PTPN14: variants seen among roughly 807,000 people sequenced by gnomAD.
PTPN14 encodes the protein protein tyrosine phosphatase non-receptor type 14, also known as tyrosine-protein phosphatase non-receptor type 14.
A neutral mutation model predicts 126.8 loss-of-function variants in PTPN14; 53 were observed. That is an observed-to-expected ratio of 0.42 (90% CI 0.34 to 0.53). The LOEUF (loss-of-function observed/expected upper bound fraction) is 0.53, where lower values mean the gene tolerates loss of function less well. Ranked by LOEUF, PTPN14 falls within the 20% of genes least tolerant of loss-of-function variation. The probability of loss-of-function intolerance (pLI) is 0.08; values close to 1 mark genes in which losing one functional copy is unlikely to be tolerated. For synonymous variants in PTPN14, 630 were observed against 599.3 expected, an observed-to-expected ratio of 1.05 and a Z score of -0.75; for missense variants, 1,257 against 1,552.9, an observed-to-expected ratio of 0.81 and a Z score of 3.20.
At chr1:214,497,131 G>A (rs1284199505) in intron 1 of PTPN14, among the ~76,000 whole-genome samples, 1 of 151,808 alleles carries the variant, frequency 6.6e-6, no homozygotes, top group East Asian at 1.9e-4. Flanking sequence ...GGGGGGTCGG[G>A]GGGAAGAAAT....
In PTPN14 at chr1:214,411,748, T is replaced by C. The variant is rs775984118; in HGVS notation, c.446A>G (p.Asp149Gly). The change falls in exon 5 of 19, where the codon GAT becomes GGT. Residue 149 changes from aspartate to glycine, a missense_variant. Physicochemically the swap from Asp to Gly is moderately conservative, Grantham distance 94 (BLOSUM62 -1). This residue lies in a region of PTPN14 where 1,021 missense variants were observed against 1,183.3 expected (regional missense o/e 0.86). Coordinates refer to ENST00000366956, the MANE Select transcript of PTPN14 (RefSeq NM_005401.5). ...IRLAGLAVQA[D>G]FGDYNQFDSQ... is the part of the protein sequence containing the mutation. ...ATCAAACTGATTATAGTCTCCAAAA[T>C]CAGCTGAGAAGAAAAGAAGATGGAA... 4 of 1,504,846 alleles carry C rather than the reference T, an allele frequency of 2.7e-6. No individual in the cohort carries two copies. The highest frequency in any genetic ancestry group is 3.7e-6 in the Non-Finnish European group (4 of 1,093,340). 93.2% of individuals were successfully genotyped at this position (1,504,846 alleles called of 1,614,324 possible). A position where few individuals can be genotyped will look rare whatever the true frequency, so the allele number is the denominator to read the frequency against.
intron 3 of PTPN14, among the ~76,000 whole-genome samples, chr1:214,431,426 G>A (rs1025209638): frequency 1.3e-5 from 2 of 152,178 alleles, no homozygotes; most frequent in African/African-American, 4.8e-5. Flanking sequence ...CTTCACAAGA[G>A]CTTCTGTTCA....
chr1:214,417,570 G>A (rs1033588344), intron 3 of PTPN14, among the ~76,000 whole-genome samples: 1 of 152,152 alleles, frequency 6.6e-6, no homozygotes, highest in African/African-American at 2.4e-5. Context: ...CAAAATTATA[G>A]CCCATAACAA....
chr1:214,498,944 G>A (rs527968974), intron 1 of PTPN14, among the ~76,000 whole-genome samples: 2 of 152,150 alleles, frequency 1.3e-5, no homozygotes, highest in East Asian at 1.9e-4. Context: ...GAAAAGCTAC[G>A]ACTACAGGTA....
chr1:214,405,929 G>T (rs1172630076), intron 5 of PTPN14, among the ~76,000 whole-genome samples: 1 of 152,162 alleles, frequency 6.6e-6, no homozygotes, highest in Non-Finnish European at 1.5e-5. Flanking sequence ...AGCTGGGATA[G>T]GGTCACAGCA....
chr1:214,458,944 T>A (rs1250237745), intron 2 of PTPN14, among the ~76,000 whole-genome samples: 2 of 142,004 alleles, frequency 1.4e-5, no homozygotes, highest in Non-Finnish European at 3.0e-5. Context: ...ATTATTGGAA[T>A]TCTGATTTTC....
intron 1 of PTPN14, among the ~76,000 whole-genome samples, chr1:214,475,506 C>A (rs1020025081): frequency 2.4e-4 from 36 of 152,208 alleles, no homozygotes; most frequent in Non-Finnish European, 4.8e-4. Context: ...TCTAGTCACG[C>A]CAGGAATGCT....
intron 1 of PTPN14, among the ~76,000 whole-genome samples, chr1:214,525,138 G>A (rs535266092): frequency 1.3e-5 from 2 of 152,268 alleles, no homozygotes; most frequent in Non-Finnish European, 2.9e-5. Flanking sequence ...AAATCTCTGC[G>A]AAGATTCAGA....
At chr1:214,362,002 A>T (rs1237829023) in intron 18 of PTPN14, among the ~76,000 whole-genome samples, 1 of 152,276 alleles carries the variant, frequency 6.6e-6, no homozygotes, top group African/African-American at 2.4e-5. Context: ...TGCATGAATT[A>T]CAGACTAAAA....
chr1:214,445,644 T>C (rs1020733953), intron 3 of PTPN14, among the ~76,000 whole-genome samples: 2 of 152,056 alleles, frequency 1.3e-5, no homozygotes, highest in Non-Finnish European at 2.9e-5. Context: ...TCTTCAAAAA[T>C]TAAGTTTTCT....
chr1:214,442,407 T>G (rs1660054272), intron 3 of PTPN14, among the ~76,000 whole-genome samples: 1 of 152,234 alleles, frequency 6.6e-6, no homozygotes, highest in Non-Finnish European at 1.5e-5. Context: ...CAACCTATTT[T>G]TTTGGTAAAC....
At chr1:214,371,335 A>G (rs1658213317) in intron 16 of PTPN14, among the ~76,000 whole-genome samples, 1 of 152,222 alleles carries the variant, frequency 6.6e-6, no homozygotes, top group Non-Finnish European at 1.5e-5. Flanking sequence ...AGTGTGCAAC[A>G]TGATACAGAG....
intron 4 of PTPN14, among the ~76,000 whole-genome samples, chr1:214,414,103 T>C (rs903263851): frequency 6.6e-6 from 1 of 152,216 alleles, no homozygotes; most frequent in Non-Finnish European, 1.5e-5. Context: ...AAAAAACAGC[T>C]ATGTAATATA....
rs1253930423 is a variant in PTPN14, at chr1:214,353,463, C to T, written c.*4459G>A. The T allele has an allele frequency of 3.3e-5, 5 of 152,156 alleles. No individual in the cohort carries two copies. Among genetic ancestry groups the T allele is most frequent in the African/African-American group, 4.8e-5 (2 of 41,416 alleles). The allele number at this position is 152,156 out of a possible 1,614,324, so 9.4% of individuals were successfully genotyped here. ...TGGTTGAATATAGGGATGTGGAACC[C>T]ACAGATAGGGGTGGTCAACTGTACT... On this transcript the variant is annotated 3_prime_UTR_variant, in exon 19 of 19. Transcript: ENST00000366956.
intron 3 of PTPN14, among the ~76,000 whole-genome samples, chr1:214,415,384 A>AT (rs1434836210): frequency 6.6e-6 from 1 of 152,228 alleles, no homozygotes; most frequent in Non-Finnish European, 1.5e-5. Flanking sequence ...TACCAATAAA[A>AT]TAGCCCTCTT....
In PTPN14 at chr1:214,391,052, G is replaced by T; in HGVS notation, c.930-7C>A. On this transcript the variant is annotated splice_region_variant and splice_polypyrimidine_tract_variant and intron_variant, in intron 10 of 18. Coordinates refer to ENST00000366956, the MANE Select transcript of PTPN14 (RefSeq NM_005401.5). ...GGGTGGAGAATTTGACTGTCTACAT[G>T]AAGAGGTGAAAAAATGAGAATGGTT... 1 of 1,568,728 alleles carries T rather than the reference G, an allele frequency of 6.4e-7. No individual in the cohort carries two copies. The highest frequency in any genetic ancestry group is 8.7e-7 in the Non-Finnish European group (1 of 1,149,806).
At chr1:214,532,240 C>T (rs1655568148) in intron 1 of PTPN14, 2 of 416,012 alleles carry the variant, frequency 4.8e-6, no homozygotes, top group Non-Finnish European at 4.6e-6. Context: ...TTACTGGTCC[C>T]TGGGCTCTGT....
chr1:214,470,804 G>T (rs1322568528), intron 1 of PTPN14, among the ~76,000 whole-genome samples: 1 of 110,516 alleles, frequency 9.0e-6, no homozygotes, highest in African/African-American at 3.6e-5. Flanking sequence ...AAAAAAAACT[G>T]CACTTGAGTG....
chr1:214,355,276 C>T lies in PTPN14; in HGVS notation c.*2646G>A, dbSNP rs963624318. The T allele has an allele frequency of 3.9e-5, 6 of 152,294 alleles. No homozygotes were observed. The highest frequency in any genetic ancestry group is 2.1e-4 in the South Asian group (1 of 4,820). The allele number at this position is 152,294 out of a possible 1,614,324, so 9.4% of individuals were successfully genotyped here. A position where few individuals can be genotyped will look rare whatever the true frequency, so the allele number is the denominator to read the frequency against. Reference sequence around the variant, plus strand: ...CCATGAGCTCTGACGACCTCAAAGACGCACCAGATCTATATGCTGTCCACA... The same window carrying T: ...CCATGAGCTCTGACGACCTCAAAGATGCACCAGATCTATATGCTGTCCACA... On this transcript the variant is annotated 3_prime_UTR_variant, in exon 19 of 19. Coordinates refer to ENST00000366956, the MANE Select transcript of PTPN14 (RefSeq NM_005401.5).
Sources: gnomAD v4.1 joint callset for allele counts (sites outside exome capture counted in the v4.1 genomes callset) on GRCh38, gnomAD v4.1.1 for gene constraint, gnomAD v4.1.1 regional missense constraint, MANE v1.5 for transcripts, NCBI Gene and HGNC (gene_info 2026-07-23, HGNC 2026-07-21) for gene names.